CLTRN: variants seen among roughly 807,000 people sequenced by gnomAD.
The protein encoded by CLTRN is collectrin.
In CLTRN, 12 loss-of-function variants were observed where a neutral mutation model predicts 14.5. The ratio of observed to expected loss-of-function variants is 0.83; its 90% CI spans 0.53 to 1.34. The LOEUF (loss-of-function observed/expected upper bound fraction) is 1.34. CLTRN is among the 40% of genes most tolerant of loss of function. The pLI is 0.00. For synonymous variants in CLTRN, 58 were observed against 56.5 expected (o/e 1.03, Z -0.12); for missense variants, 154 against 165.1 (o/e 0.93, Z 0.37).
rs897026053 is a variant in CLTRN, at chrX:15,637,979, G to A, written c.512+1583C>T. Among the ~76,000 whole-genome samples, 3 of 111,919 alleles carry A rather than the reference G, an allele frequency of 2.7e-5. No individual in the cohort carries two copies. In the Admixed American group the frequency reaches 2.8e-4, roughly 11 times the overall value. On this transcript the variant is annotated intron_variant, in intron 5 of 5. Transcript: ENST00000380342. ...TTATATACAAGGGCAGAATCTAAGA[G>A]ATAAATATGTTGAGTCTAAGCAATC...
chrX:15,652,811 A>G (rs1436568921), intron 3 of CLTRN, among the ~76,000 whole-genome samples: 3 of 112,030 alleles, frequency 2.7e-5, no homozygotes, highest in Admixed American at 9.5e-5. Context: ...TGCCAGGTAC[A>G]GTGGCTCACG....
chrX:15,630,063 GGCTGACT>G (rs1928654900), intron 5 of CLTRN, among the ~76,000 whole-genome samples: 1 of 111,889 alleles, frequency 8.9e-6, no homozygotes, highest in East Asian at 2.8e-4. Context: ...GTAGATTAAT[GGCTGACT>G]GGCTGGATAA....
At position 15,639,662 on chromosome X, in the gene CLTRN, G is replaced by A; in HGVS notation, c.412C>T (p.Pro138Ser). 8.3e-7 allele frequency: 1 copy of A among 1,207,973 alleles called. No homozygotes were observed. Among genetic ancestry groups the A allele is most frequent in the Non-Finnish European group, 1.1e-6 (1 of 892,633 alleles). Residue 138 changes from proline (P) to serine (S), a missense_variant, in exon 5 of 6, where the codon CCA becomes TCA. Coordinates refer to ENST00000380342, the MANE Select transcript of CLTRN (RefSeq NM_020665.6). ...IPSTLAPPMD[P>S]SVPIWIIIFG... ...ATAATAATCCAGATGGGCACAGATG[G>A]GTCCATGGGTGGTGCAAGTGTGGAA... is the stretch of plus-strand genomic sequence containing the variant.
chrX:15,660,130 C>G (rs1001320277), intron 2 of CLTRN, among the ~76,000 whole-genome samples: 3 of 111,308 alleles, frequency 2.7e-5, no homozygotes, highest in Non-Finnish European at 5.7e-5. Context: ...TGGGGTTTCA[C>G]TCTGGGATGG....
At chrX:15,641,763 T>C (rs1928950178) in intron 4 of CLTRN, among the ~76,000 whole-genome samples, 1 of 110,565 alleles carries the variant, frequency 9.0e-6, no homozygotes, top group Non-Finnish European at 1.9e-5. Flanking sequence ...TGTTTTACAC[T>C]GTGAGCACAC....
chrX:15,655,670 T>G (rs1029573808), intron 3 of CLTRN, among the ~76,000 whole-genome samples: 1 of 112,029 alleles, frequency 8.9e-6, no homozygotes, highest in African/African-American at 3.2e-5. Flanking sequence ...ATGAGACTTC[T>G]CTGGCTAAGA....
upstream of CLTRN, among the ~76,000 whole-genome samples, chrX:15,669,005 A>C (rs1399905656): frequency 8.9e-6 from 1 of 111,742 alleles, no homozygotes; most frequent in African/African-American, 3.2e-5. Flanking sequence ...TGATTATATT[A>C]TCTTTGTTGT....
intron 1 of CLTRN, among the ~76,000 whole-genome samples, chrX:15,671,842 G>GCACACA (rs1436446255): frequency 8.4e-5 from 5 of 59,389 alleles, no homozygotes; most frequent in African/African-American, 3.6e-4. Context: ...AATTTTATGC[G>GCACACA]CGCACACACA....
At chrX:15,666,795 GA>G (rs1433996334), upstream of CLTRN, among the ~76,000 whole-genome samples, 1 of 111,477 alleles carries the variant, frequency 9.0e-6, no homozygotes, top group East Asian at 2.8e-4. Context: ...GCTAACATCT[GA>G]AAAAAATAAA....
intron 3 of CLTRN, chrX:15,646,458 A>ACCC: frequency 8.7e-6 from 2 of 228,790 alleles, no homozygotes; most frequent in Non-Finnish European, 1.6e-5. Flanking sequence ...AAAACCGCGC[A>ACCC]CCCACCCCCC....
intron 5 of CLTRN, among the ~76,000 whole-genome samples, chrX:15,639,158 G>A (rs1928882009): frequency 8.9e-6 from 1 of 111,884 alleles, no homozygotes; most frequent in African/African-American, 3.3e-5. Context: ...CTAAGAAGAG[G>A]TAAGCCAAAG....
rs150478192 is a variant in CLTRN, at chrX:15,661,351, G to A, written c.118-2250C>T. Among the ~76,000 whole-genome samples the A allele has an allele frequency of 1.3e-3, 149 of 112,272 alleles. 2 individuals carry two copies. In the East Asian group the frequency reaches 0.034, roughly 26 times the overall value. On this transcript the variant is annotated intron_variant, in intron 2 of 5. Coordinates refer to ENST00000380342, the MANE Select transcript of CLTRN (RefSeq NM_020665.6). ...TTCCATTTGTTCATCTCAAAAACAAGAGCATAAGCTGGCTGGGTAGGAGTC... is the reference window on the plus strand; with the variant it reads ...TTCCATTTGTTCATCTCAAAAACAAAAGCATAAGCTGGCTGGGTAGGAGTC...
intron 2 of CLTRN, among the ~76,000 whole-genome samples, chrX:15,661,414 A>C (rs1929503781): frequency 8.9e-6 from 1 of 111,876 alleles, no homozygotes; most frequent in Non-Finnish European, 1.9e-5. Flanking sequence ...AGCTACTTAG[A>C]TCAGAACAGA....
At chrX:15,650,655 T>C (rs1379611582) in intron 3 of CLTRN, among the ~76,000 whole-genome samples, 1 of 112,329 alleles carries the variant, frequency 8.9e-6, no homozygotes, top group East Asian at 2.8e-4. Flanking sequence ...CAATGTTGTG[T>C]CCTTCCTACA....
At chrX:15,628,292 A>G (rs1928611159) in intron 5 of CLTRN, among the ~76,000 whole-genome samples, 165 bp from the exon 6 acceptor site, 1 of 112,326 alleles carries the variant, frequency 8.9e-6, no homozygotes, top group Admixed American at 9.4e-5. Context: ...CAAAGACCAT[A>G]AAGAGTTGGT....
chrX:15,650,228 T>C (rs759398821), intron 3 of CLTRN, among the ~76,000 whole-genome samples: 1 of 107,941 alleles, frequency 9.3e-6, no homozygotes, highest in East Asian at 2.9e-4. Flanking sequence ...TATATTAACT[T>C]TGTAACTCTT....
chrX:15,664,658 G>T, intron 1 of CLTRN, 60 bp downstream of exon 1: 1 of 1,040,311 alleles, frequency 9.6e-7, no homozygotes, highest in Non-Finnish European at 1.3e-6. Flanking sequence ...TCTTTCAGTC[G>T]ATGACTTGTC....
intron 2 of CLTRN, among the ~76,000 whole-genome samples, chrX:15,662,900 CTCTT>C (rs909903316): frequency 3.6e-5 from 4 of 111,406 alleles, no homozygotes; most frequent in Admixed American, 9.6e-5. Context: ...CTGCTCCTCT[CTCTT>C]TAAGCTCATC....
chrX:15,662,511 T>C (rs898952354), intron 2 of CLTRN, among the ~76,000 whole-genome samples: 6 of 111,568 alleles, frequency 5.4e-5, no homozygotes, highest in Non-Finnish European at 1.1e-4. Flanking sequence ...CTCAAGACTT[T>C]CTCATTAAAG....
Sources: gnomAD v4.1 joint callset for allele counts (sites outside exome capture counted in the v4.1 genomes callset) on GRCh38, gnomAD v4.1.1 for gene constraint, MANE v1.5 for transcripts, NCBI Gene and HGNC (gene_info 2026-07-23, HGNC 2026-07-21) for gene names.